The following POFUT3 variants were observed in gnomAD, a reference collection of about 807,000 sequenced individuals.
POFUT3 encodes GDP-fucose protein O-fucosyltransferase 3.
chr8:33,324,372 A>C, the POFUT3 span, among the ~76,000 whole-genome samples: 1 of 152,108 alleles, frequency 6.6e-6, no homozygotes, highest in Non-Finnish European at 1.5e-5. Context: ...CTGCCTCGAT[A>C]TTGTAATAGA....
chr8:33,421,655 G>A, the POFUT3 span, among the ~76,000 whole-genome samples: 8 of 152,276 alleles, frequency 5.3e-5, no homozygotes, highest in South Asian at 6.2e-4. Flanking sequence ...ATGCAGTGCT[G>A]GACAGAAGTC....
chr8:33,444,849 A>G, the POFUT3 span, among the ~76,000 whole-genome samples: 1 of 152,070 alleles, frequency 6.6e-6, no homozygotes. Context: ...TTATTTATTT[A>G]AATAAAAATG....
chr8:33,337,480 G>C, the POFUT3 span, among the ~76,000 whole-genome samples: 1 of 152,150 alleles, frequency 6.6e-6, no homozygotes, highest in Non-Finnish European at 1.5e-5. Flanking sequence ...ATCAGAGTTG[G>C]AGCTGAAGAG....
the POFUT3 span, among the ~76,000 whole-genome samples, chr8:33,388,567 G>T: frequency 6.6e-6 from 1 of 151,890 alleles, no homozygotes; most frequent in Non-Finnish European, 1.5e-5. Flanking sequence ...GAACCCCTGG[G>T]CTCAAGTGAT....
chr8:33,360,799 C>A, the POFUT3 span: 21 of 152,302 alleles, frequency 1.4e-4, no homozygotes, highest in African/African-American at 5.1e-4. Flanking sequence ...TCAATGGCAG[C>A]CCTAGAGTCA....
At chr8:33,423,958 G>A in the POFUT3 span, among the ~76,000 whole-genome samples, 2 of 151,802 alleles carry the variant, frequency 1.3e-5, no homozygotes, top group African/African-American at 4.8e-5. Context: ...GGCCAACATG[G>A]TGAAACCCTA....
the POFUT3 span, among the ~76,000 whole-genome samples, chr8:33,471,804 TAC>T: frequency 1.3e-5 from 2 of 152,194 alleles, no homozygotes; most frequent in African/African-American, 4.8e-5. Context: ...AATTCACTGT[TAC>T]ACACTGCCAT....
the POFUT3 span, among the ~76,000 whole-genome samples, chr8:33,454,674 C>CTT: frequency 0.016 from 2,313 of 141,148 alleles, 71 homozygotes; most frequent in African/African-American, 0.057. Flanking sequence ...AGTTTTGCCT[C>CTT]TTTTTTTTTT....
At chr8:33,340,972 A>G in the POFUT3 span, among the ~76,000 whole-genome samples, 1 of 152,228 alleles carries the variant, frequency 6.6e-6, no homozygotes, top group Non-Finnish European at 1.5e-5. Context: ...ACTTTTCTCA[A>G]TAACAGAAGA....
At chr8:33,380,024 TATACTATATATATACGATATATATAC>T in the POFUT3 span, among the ~76,000 whole-genome samples, 5 of 85,490 alleles carry the variant, frequency 5.8e-5, 1 homozygote, top group East Asian at 9.9e-4. Flanking sequence ...AGTATATATA[TATACTATATATATACGATATATATAC>T]ACTATATATA....
chr8:33,439,721 G>A, the POFUT3 span, among the ~76,000 whole-genome samples: 31 of 151,788 alleles, frequency 2.0e-4, no homozygotes, highest in Admixed American at 1.3e-4. Flanking sequence ...CAAAAAATTA[G>A]TCAGGTACAG....
chr8:33,471,644 C>T, the POFUT3 span, among the ~76,000 whole-genome samples: 1 of 152,192 alleles, frequency 6.6e-6, no homozygotes, highest in Middle Eastern at 3.4e-3. Flanking sequence ...ATTGTTTTTC[C>T]AAACTATATT....
the POFUT3 span, among the ~76,000 whole-genome samples, chr8:33,437,265 T>C: frequency 6.6e-6 from 1 of 152,004 alleles, no homozygotes; most frequent in Admixed American, 6.6e-5. Flanking sequence ...CCAACATCAC[T>C]TCCCTTCCCC....
At chr8:33,312,893 G>A in the POFUT3 span, among the ~76,000 whole-genome samples, 2 of 152,066 alleles carry the variant, frequency 1.3e-5, no homozygotes, top group Non-Finnish European at 2.9e-5. Flanking sequence ...GTGCCTTCTA[G>A]CACCTAGGCC....
the POFUT3 span, among the ~76,000 whole-genome samples, chr8:33,340,902 A>G: frequency 3.3e-5 from 5 of 152,224 alleles, no homozygotes; most frequent in Non-Finnish European, 5.9e-5. Context: ...TATAAAGACT[A>G]CAGAAGAACA....
At chr8:33,333,952 A>G in the POFUT3 span, among the ~76,000 whole-genome samples, 100 of 152,226 alleles carry the variant, frequency 6.6e-4, no homozygotes, top group Non-Finnish European at 1.0e-3. Context: ...GGAAAGACCT[A>G]GAAAAGTTCT....
chr8:33,374,948 A>ACTGCAAC, the POFUT3 span, among the ~76,000 whole-genome samples: 1 of 150,102 alleles, frequency 6.7e-6, no homozygotes. Context: ...ATCTCAGCTC[A>ACTGCAAC]CTGCAACCTG....
the POFUT3 span, among the ~76,000 whole-genome samples, chr8:33,441,676 C>A: frequency 3.3e-5 from 5 of 152,052 alleles, no homozygotes; most frequent in South Asian, 1.0e-3. Flanking sequence ...CCACTGCACC[C>A]AGCCTTGTTT....
chr8:33,387,820 A>G, the POFUT3 span, among the ~76,000 whole-genome samples: 1 of 152,296 alleles, frequency 6.6e-6, no homozygotes, highest in African/African-American at 2.4e-5. Flanking sequence ...AAAGAAGAAC[A>G]AGAAAATATT....
Sources: allele counts gnomAD v4.1 joint callset (sites outside exome capture counted in the v4.1 genomes callset), GRCh38; gene constraint gnomAD v4.1.1; transcripts MANE v1.5; gene names NCBI Gene and HGNC (gene_info 2026-07-23, HGNC 2026-07-21).